Variants in ZP3 observed in about 807,000 individuals in gnomAD.
ZP3 encodes the protein zona pellucida glycoprotein 3, also known as zona pellucida sperm-binding protein 3.
A neutral mutation model predicts 35.6 loss-of-function variants in ZP3; 21 were observed. The ratio of observed to expected loss-of-function variants is 0.59; its 90% CI spans 0.42 to 0.85. The LOEUF (loss-of-function observed/expected upper bound fraction) is 0.85. Among genes scored for constraint, ZP3 ranks in the 40% least tolerant of loss-of-function variants. ZP3 has a pLI of 0.00. For missense variants in ZP3, 437 were observed against 536.5 expected, an observed-to-expected ratio of 0.81 and a Z score of 1.83; for synonymous variants, 207 against 214.5, an observed-to-expected ratio of 0.96 and a Z score of 0.31.
chr7:76,397,797 G>A, exon 1 of ZP3: 1 of 1,602,682 alleles, frequency 6.2e-7, no homozygotes, highest in South Asian at 1.1e-5. Context: ...CCCTGACACA[G>A]GTTCGCGCCC....
chr7:76,437,216 C>A (rs1221000213), intron 5 of ZP3, among the ~76,000 whole-genome samples: 1 of 136,600 alleles, frequency 7.3e-6, no homozygotes, highest in Non-Finnish European at 1.5e-5. Flanking sequence ...CGCTCTGTCA[C>A]CCAGGCTGGA....
chr7:76,436,030 C>CGGGGTTTTTTTTTTTT (rs1805991993), intron 5 of ZP3, among the ~76,000 whole-genome samples: 1 of 74,248 alleles, frequency 1.3e-5, no homozygotes, highest in Admixed American at 1.9e-4. Context: ...CCCCCGCCCC[C>CGGGGTTTTTTTTTTTT]TTTTTTTTTT....
intron 5 of ZP3, 114 bp from the exon 6 acceptor site, chr7:76,440,136 T>G (rs1638132): frequency 1.5e-5 from 22 of 1,454,948 alleles, no homozygotes; most frequent in Non-Finnish European, 2.0e-5. Flanking sequence ...TGTGTGCCAA[T>G]GCACCCGGCC....
chr7:76,416,270 A>G (rs761764920), intron 1 of ZP3, among the ~76,000 whole-genome samples: 2 of 150,976 alleles, frequency 1.3e-5, no homozygotes, highest in Admixed American at 6.6e-5. Flanking sequence ...TCTACAAAAA[A>G]ATACAAAAAT....
In ZP3 at chr7:76,426,845, C is replaced by T. The variant is rs1446414188; in HGVS notation, c.312+1569C>T. On this transcript the variant is annotated intron_variant, in intron 1 of 7. Coordinates refer to ENST00000394857, the MANE Select transcript of ZP3 (RefSeq NM_001110354.2). ...GGGAGTTTAAGGCCACCCTGGGCAA[C>T]ATAATGAGACCCCCTTCTCTACCAA... Among the ~76,000 whole-genome samples, 4 of 138,290 alleles carry T rather than the reference C, an allele frequency of 2.9e-5. No individual in the cohort carries two copies. The Admixed American group carries it at 2.9e-4, about 10-fold the overall frequency. 90.7% of individuals were successfully genotyped at this position (138,290 alleles called of 152,430 possible).
In ZP3 at chr7:76,419,645, TTC is replaced by T. The variant is rs565288449; in HGVS notation, c.-66-5393_-66-5392del. Among the ~76,000 whole-genome samples, 1,323 of 151,276 alleles carry T rather than the reference TTC, an allele frequency of 8.7e-3. 10 individuals carry two copies. Among genetic ancestry groups the T allele is most frequent in the Middle Eastern group, 0.017 (5 of 294 alleles). On this transcript the variant is annotated intron_variant, in intron 1 of 8. Transcript: ENST00000336517. ...CTTTCTTTCTTTTTCTTTCTTTCTT[TTC>T]TCTCTCTCTCTCTTTCTTTCTTTCT...
intron 2 of ZP3, among the ~76,000 whole-genome samples, chr7:76,430,207 C>T (rs1805787675): frequency 6.6e-6 from 1 of 151,970 alleles, no homozygotes; most frequent in Non-Finnish European, 1.5e-5. Context: ...GATACTCCAT[C>T]GCAAAAAATA....
intron 5 of ZP3, among the ~76,000 whole-genome samples, chr7:76,436,513 CTT>C (rs1806019316): frequency 1.3e-5 from 2 of 152,248 alleles, no homozygotes; most frequent in African/African-American, 4.8e-5. Context: ...AAAGTAGAAA[CTT>C]TTCAAAGATG....
At chr7:76,426,850 T>C (rs985266910) in intron 1 of ZP3, among the ~76,000 whole-genome samples, 3 of 106,004 alleles carry the variant, frequency 2.8e-5, no homozygotes, top group Non-Finnish European at 6.3e-5. Flanking sequence ...GGCAACATAA[T>C]GAGACCCCCT....
At chr7:76,405,319 A>ATTTTTTTTTTTTT (rs1563687040) in intron 1 of ZP3, among the ~76,000 whole-genome samples, 1 of 18,318 alleles carries the variant, frequency 5.5e-5, no homozygotes, top group Non-Finnish European at 9.1e-5. Context: ...ATATATATGT[A>ATTTTTTTTTTTTT]TTTTTTTCTT....
At chr7:76,433,381 C>T (rs930400092) in intron 3 of ZP3, 89 bp from the exon 4 acceptor site, 8 of 1,443,176 alleles carry the variant, frequency 5.5e-6, no homozygotes, top group Non-Finnish European at 7.5e-6. Context: ...TCTCGAACTC[C>T]TGACCTCAGG....
At chr7:76,424,666 C>G (rs916183146), upstream of ZP3, among the ~76,000 whole-genome samples, 2 of 151,980 alleles carry the variant, frequency 1.3e-5, no homozygotes, top group Non-Finnish European at 1.5e-5. Context: ...CAAAAACAAA[C>G]AAACCACAAA....
chr7:76,419,447 G>A (rs1316957199), intron 1 of ZP3, among the ~76,000 whole-genome samples: 2 of 152,070 alleles, frequency 1.3e-5, no homozygotes, highest in Non-Finnish European at 2.9e-5. Flanking sequence ...CCTCCGTCCG[G>A]TATCATGTTT....
At chr7:76,440,130 T>C (rs1261537871) in intron 5 of ZP3, 120 bp from the exon 6 acceptor site, 34 of 1,477,716 alleles carry the variant, frequency 2.3e-5, no homozygotes, top group Non-Finnish European at 3.1e-5. Context: ...TATAGGTGTG[T>C]GCCAATGCAC....
At chr7:76,414,724 C>T (rs143800316) in intron 1 of ZP3, among the ~76,000 whole-genome samples, 11 of 105,572 alleles carry the variant, frequency 1.0e-4, no homozygotes, top group African/African-American at 3.7e-4. Context: ...TTTTTTGAGA[C>T]GGAGTCTTGC....
intron 1 of ZP3, among the ~76,000 whole-genome samples, chr7:76,426,639 T>C (rs1293366336): frequency 1.3e-5 from 2 of 151,794 alleles, no homozygotes; most frequent in Non-Finnish European, 2.9e-5. Flanking sequence ...GGGAGCCAGG[T>C]GCCTGGCTCC....
At chr7:76,431,962 C>A (rs1231937737) in intron 2 of ZP3, among the ~76,000 whole-genome samples, 1 of 151,586 alleles carries the variant, frequency 6.6e-6, no homozygotes, top group African/African-American at 2.4e-5. Flanking sequence ...GAGTACTGTG[C>A]AGGGCCTGCT....
chr7:76,403,604 G>A (rs1447965093), intron 1 of ZP3, among the ~76,000 whole-genome samples: 1 of 151,484 alleles, frequency 6.6e-6, no homozygotes, highest in Non-Finnish European at 1.5e-5. Context: ...CCAAAGTGCT[G>A]GGATTACAGG....
At chr7:76,417,301 G>A (rs965747334) in intron 1 of ZP3, among the ~76,000 whole-genome samples, 6 of 151,836 alleles carry the variant, frequency 4.0e-5, no homozygotes, top group East Asian at 3.9e-4. Context: ...TCAGGCTATC[G>A]GCCCACCTCA....
Sources: allele counts gnomAD v4.1 joint callset (sites outside exome capture counted in the v4.1 genomes callset), GRCh38; gene constraint gnomAD v4.1.1; transcripts MANE v1.5; gene names NCBI Gene and HGNC (gene_info 2026-07-23, HGNC 2026-07-21).